Variants in HCN1 observed in about 807,000 individuals in gnomAD.
HCN1 encodes the protein potassium/sodium hyperpolarization-activated cyclic nucleotide-gated channel 1.
Under a neutral mutation model 78.9 loss-of-function variants are expected in HCN1, and 13 were observed. That is an observed-to-expected ratio of 0.16 (90% confidence interval 0.11 to 0.26). The LOEUF (loss-of-function observed/expected upper bound fraction) is 0.26, where lower values mean the gene tolerates loss of function less well. Among genes scored for constraint, HCN1 ranks in the 10% least tolerant of loss-of-function variants. The pLI is 1.00. For synonymous variants in HCN1, 552 were observed against 455.5 expected, an observed-to-expected ratio of 1.21 and a Z score of -2.70; for missense variants, 810 against 1,154.3, an observed-to-expected ratio of 0.70 and a Z score of 4.32.
chr5:45,407,916 G>T, intron 3 of HCN1, among the ~76,000 whole-genome samples: 1 of 152,102 alleles, frequency 6.6e-6, no homozygotes, highest in East Asian at 1.9e-4. Flanking sequence ...TGATACTGAT[G>T]ATCCTGACCC....
intron 2 of HCN1, among the ~76,000 whole-genome samples, chr5:45,567,703 C>G (rs1454765261): frequency 1.3e-5 from 2 of 151,416 alleles, no homozygotes; most frequent in African/African-American, 4.9e-5. Flanking sequence ...CAAAAATAGT[C>G]CTCATCTAAC....
At chr5:45,359,404 C>CA (rs71000628) in intron 4 of HCN1, among the ~76,000 whole-genome samples, 1,970 of 143,128 alleles carry the variant, frequency 0.014, 23 homozygotes, top group African/African-American at 0.033. Context: ...CAGGAAGCAT[C>CA]AAAAAAAAAA....
At chr5:45,659,183 A>C (rs1745861988) in intron 1 of HCN1, among the ~76,000 whole-genome samples, 1 of 149,446 alleles carries the variant, frequency 6.7e-6, no homozygotes, top group Non-Finnish European at 1.5e-5. Context: ...GGCACCCCCC[A>C]GCAGGGGCAC....
rs1740000759 is a variant in HCN1, at chr5:45,695,875, G to GCCGCCGCCGCCGCCGCCACCGCCGCCA, written c.192_218dup (p.Gly66_Gly74dup). 2 of 1,513,294 alleles carry GCCGCCGCCGCCGCCGCCACCGCCGCCA rather than the reference G, an allele frequency of 1.3e-6. No individual in the cohort carries two copies. Among genetic ancestry groups the GCCGCCGCCGCCGCCGCCACCGCCGCCA allele is most frequent in the Admixed American group, 2.1e-5 (1 of 47,946 alleles). The allele number at this position is 1,513,294 out of a possible 1,614,324, so 93.7% of individuals were successfully genotyped here. On this transcript the variant is annotated inframe_insertion, in exon 1 of 8. Coordinates refer to ENST00000303230, the MANE Select transcript of HCN1 (RefSeq NM_021072.4). ...CGAAGCCCCCCGCCGGCTCCTCGCC[G>GCCGCCGCCGCCGCCGCCACCGCCGCCA]CCGCCGCCGCCGCCGCCACCGCCGC...
At chr5:45,270,335 G>A (rs753170166) in intron 6 of HCN1, among the ~76,000 whole-genome samples, 28 of 152,150 alleles carry the variant, frequency 1.8e-4, no homozygotes, top group Admixed American at 4.6e-4. Flanking sequence ...CTGCAAGAAA[G>A]GATTTAAAAC....
At chr5:45,497,325 G>A (rs1214954116) in intron 2 of HCN1, among the ~76,000 whole-genome samples, 1 of 152,144 alleles carries the variant, frequency 6.6e-6, no homozygotes, top group Admixed American at 6.5e-5. Context: ...CATTATTAAT[G>A]TGTGGGAGTC....
At chr5:45,386,135 T>C (rs1339920746) in intron 4 of HCN1, among the ~76,000 whole-genome samples, 1 of 152,070 alleles carries the variant, frequency 6.6e-6, no homozygotes, top group Non-Finnish European at 1.5e-5. Context: ...ATTATACTTA[T>C]TGTACTTACC....
intron 2 of HCN1, among the ~76,000 whole-genome samples, chr5:45,504,547 C>A (rs1742256140): frequency 6.6e-6 from 1 of 152,096 alleles, no homozygotes; most frequent in Non-Finnish European, 1.5e-5. Flanking sequence ...GTGAATAGTG[C>A]CGCAATAAAC....
intron 2 of HCN1, among the ~76,000 whole-genome samples, chr5:45,483,904 C>G (rs1324885136): frequency 1.3e-5 from 2 of 152,156 alleles, no homozygotes; most frequent in African/African-American, 4.8e-5. Context: ...TTTTTGTTGG[C>G]CTTGTTGAAA....
At chr5:45,485,803 G>A (rs1741746791) in intron 2 of HCN1, among the ~76,000 whole-genome samples, 1 of 152,036 alleles carries the variant, frequency 6.6e-6, no homozygotes, top group Admixed American at 6.6e-5. Context: ...TGGTGTGCAG[G>A]GGGTGAAGGT....
chr5:45,322,303 C>T (rs185857023), intron 5 of HCN1, among the ~76,000 whole-genome samples: 2 of 151,924 alleles, frequency 1.3e-5, no homozygotes, highest in East Asian at 3.9e-4. Flanking sequence ...TTATGTGAAA[C>T]AGATGGCAGC....
chr5:45,522,682 T>A (rs369087266), intron 2 of HCN1, among the ~76,000 whole-genome samples: 85 of 151,530 alleles, frequency 5.6e-4, no homozygotes, highest in African/African-American at 1.7e-3. Context: ...TCAAAAAATA[T>A]CTTTTGGAAA....
At chr5:45,641,757 T>C (rs755949522) in intron 2 of HCN1, 4 of 152,180 alleles carry the variant, frequency 2.6e-5, no homozygotes, top group Non-Finnish European at 5.9e-5. Context: ...GGTCATCTCC[T>C]GTTGATAAAA....
intron 3 of HCN1, among the ~76,000 whole-genome samples, chr5:45,410,715 C>T (rs1740005633): frequency 6.6e-6 from 1 of 151,876 alleles, no homozygotes; most frequent in African/African-American, 2.4e-5. Context: ...ACAAGATAAG[C>T]CTAGGAAATC....
At chr5:45,583,287 T>G (rs928526064) in intron 2 of HCN1, among the ~76,000 whole-genome samples, 4 of 152,338 alleles carry the variant, frequency 2.6e-5, no homozygotes, top group Non-Finnish European at 5.9e-5. Flanking sequence ...TATCCATTTC[T>G]TCTAGATTTT....
At chr5:45,433,825 C>T (rs1377468348) in intron 3 of HCN1, among the ~76,000 whole-genome samples, 1 of 152,150 alleles carries the variant, frequency 6.6e-6, no homozygotes, top group Non-Finnish European at 1.5e-5. Flanking sequence ...CTACATTGTG[C>T]CAGCAAGACT....
intron 2 of HCN1, among the ~76,000 whole-genome samples, chr5:45,586,327 C>T (rs553558054): frequency 6.6e-6 from 1 of 152,298 alleles, no homozygotes; most frequent in East Asian, 1.9e-4. Flanking sequence ...CTGAGCCAAG[C>T]ACGGGATAAA....
intron 1 of HCN1, among the ~76,000 whole-genome samples, chr5:45,682,208 T>G (rs924548132): frequency 3.3e-5 from 5 of 149,888 alleles, no homozygotes; most frequent in Non-Finnish European, 7.4e-5. Flanking sequence ...CCACACAGTC[T>G]ATGGTATTTT....
chr5:45,331,960 T>C (rs1000861640), intron 5 of HCN1, among the ~76,000 whole-genome samples: 3 of 151,504 alleles, frequency 2.0e-5, no homozygotes, highest in Admixed American at 6.6e-5. Flanking sequence ...AATTTAACAA[T>C]GTGAAGCTCT....
Sources: gnomAD v4.1 joint callset for allele counts (sites outside exome capture counted in the v4.1 genomes callset) on GRCh38, gnomAD v4.1.1 for gene constraint, MANE v1.5 for transcripts, NCBI Gene and HGNC (gene_info 2026-07-23, HGNC 2026-07-21) for gene names.